RORA: variants seen among roughly 807,000 people sequenced by gnomAD.
RORA encodes the protein RAR related orphan receptor A, also known as nuclear receptor ROR-alpha.
In RORA, 7 loss-of-function variants were observed where a neutral mutation model predicts 69.5. That is an observed-to-expected ratio of 0.10 (90% CI 0.06 to 0.19). RORA has a LOEUF of 0.19. Among genes scored for constraint, RORA ranks in the 10% least tolerant of loss-of-function variants. RORA has a pLI of 1.00. For synonymous variants in RORA, 261 were observed against 240.8 expected (o/e 1.08, Z -0.78); for missense variants, 457 against 663.0 (o/e 0.69, Z 3.41).
At chr15:61,062,798 G>A (rs965675733) in intron 1 of RORA, among the ~76,000 whole-genome samples, 10 of 152,122 alleles carry the variant, frequency 6.6e-5, no homozygotes. Context: ...CTCCATCCCC[G>A]AGTGAGGGTA....
At chr15:60,895,289 A>G (rs1891200786) in intron 1 of RORA, among the ~76,000 whole-genome samples, 1 of 152,214 alleles carries the variant, frequency 6.6e-6, no homozygotes, top group Non-Finnish European at 1.5e-5. Context: ...TTCACTTGCT[A>G]TTTTGGAACA....
chr15:60,578,920 T>G (rs1037974231), intron 2 of RORA, among the ~76,000 whole-genome samples: 7 of 151,944 alleles, frequency 4.6e-5, no homozygotes, highest in Non-Finnish European at 8.8e-5. Flanking sequence ...CCCGCCACCA[T>G]GCCCAGCTAA....
chr15:60,636,603 T>A (rs1480560540), intron 2 of RORA, among the ~76,000 whole-genome samples: 1 of 152,216 alleles, frequency 6.6e-6, no homozygotes, highest in Non-Finnish European at 1.5e-5. Context: ...CATTGGCTCT[T>A]TTTTGTTTTT....
At chr15:60,591,295 G>GGCGGCGGGCGGCGGGCGGCGT (rs1169079768) in intron 2 of RORA, among the ~76,000 whole-genome samples, 2 of 150,790 alleles carry the variant, frequency 1.3e-5, no homozygotes, top group African/African-American at 2.5e-5. Flanking sequence ...CGCACAAGCG[G>GGCGGCGGGCGGCGGGCGGCGT]GCGGCGGGCG....
At chr15:61,054,119 T>G (rs114648689) in intron 1 of RORA, among the ~76,000 whole-genome samples, 269 of 151,954 alleles carry the variant, frequency 1.8e-3, no homozygotes, top group African/African-American at 6.2e-3. Context: ...GGATTGAGCA[T>G]GAAGGAAAAT....
At chr15:60,716,718 A>C (rs2071223716) in intron 1 of RORA, among the ~76,000 whole-genome samples, 1 of 151,892 alleles carries the variant, frequency 6.6e-6, no homozygotes, top group Non-Finnish European at 1.5e-5. Context: ...CCCTCCTCAG[A>C]GAGAGTCCCA....
intron 1 of RORA, among the ~76,000 whole-genome samples, chr15:60,797,531 G>A (rs943219575): frequency 6.6e-6 from 1 of 152,152 alleles, no homozygotes; most frequent in Non-Finnish European, 1.5e-5. Context: ...CACATTCTTT[G>A]GGTACCATGA....
rs1197503806 is a variant in RORA at position 61,226,314 on chromosome 15, G to C, written c.166+2739C>G. On this transcript the variant is annotated intron_variant, in intron 1 of 10. Coordinates refer to ENST00000335670, the MANE Select transcript of RORA (RefSeq NM_134261.3). The surrounding 1 kb of genome is among the most constrained non-coding windows in gnomAD (Gnocchi z 4.2). The stretch of plus-strand genomic sequence containing the variant: ...CTCCACCCTCCTGGAGGTTGAAAAT[G>C]CTAATCATAAGGTGATGATGTTTGC... 6.6e-6 allele frequency among the ~76,000 whole-genome samples: 1 copy of C among 152,186 alleles called. No homozygotes were observed.
In RORA at chr15:61,147,742, G is replaced by T. The variant is rs930173892; in HGVS notation, c.166+81311C>A. Reference sequence around the variant, plus strand: ...CTTCAGTCCTAAAAGAAAGGTTGATGGTCAGTAGGCACGTGCGCACACGCG... The same window carrying T: ...CTTCAGTCCTAAAAGAAAGGTTGATTGTCAGTAGGCACGTGCGCACACGCG... On this transcript the variant is annotated intron_variant, in intron 1 of 10. Coordinates refer to ENST00000335670, the MANE Select transcript of RORA (RefSeq NM_134261.3). This position sits in a 1 kb window ranked among gnomAD's most constrained non-coding sequence, Gnocchi z 4.1. 6.4e-5 allele frequency among the ~76,000 whole-genome samples: 9 copies of T among 141,298 alleles called. No individual in the cohort carries two copies. The highest frequency in any genetic ancestry group is 4.2e-4 in the Admixed American group (6 of 14,280). 92.7% of individuals were successfully genotyped at this position (141,298 alleles called of 152,430 possible). A position where few individuals can be genotyped will look rare whatever the true frequency, so the allele number is the denominator to read the frequency against.
At chr15:61,018,321 A>C (rs1037662855) in intron 1 of RORA, among the ~76,000 whole-genome samples, 2 of 152,138 alleles carry the variant, frequency 1.3e-5, no homozygotes, top group African/African-American at 4.8e-5. Flanking sequence ...TGGACAGCTC[A>C]GTGGCTTCTT....
intron 2 of RORA, among the ~76,000 whole-genome samples, chr15:60,653,154 AC>A (rs1331777086): frequency 3.3e-5 from 5 of 152,142 alleles, no homozygotes; most frequent in African/African-American, 1.2e-4. Flanking sequence ...AGGGGGAATG[AC>A]CTATGAGCCT....
intron 1 of RORA, among the ~76,000 whole-genome samples, chr15:60,946,277 C>T (rs987566928): frequency 6.6e-5 from 10 of 152,190 alleles, no homozygotes; most frequent in Non-Finnish European, 7.3e-5. Flanking sequence ...TCCCCACGGT[C>T]TCCCTCTCCC....
At chr15:60,966,208 T>G (rs937995057) in intron 1 of RORA, among the ~76,000 whole-genome samples, 1 of 152,226 alleles carries the variant, frequency 6.6e-6, no homozygotes, top group Non-Finnish European at 1.5e-5. Flanking sequence ...CCTGCTGGAT[T>G]AGCACCTACC....
chr15:60,761,290 A>G (rs763048056), intron 1 of RORA, among the ~76,000 whole-genome samples: 3 of 152,140 alleles, frequency 2.0e-5, no homozygotes, highest in Non-Finnish European at 4.4e-5. Flanking sequence ...TCACAGATGT[A>G]TTATCAATTT....
chr15:60,516,220 TATTTATATATATATTTATATA>T (rs2065944325), intron 3 of RORA, among the ~76,000 whole-genome samples: 1 of 12,674 alleles, frequency 7.9e-5, no homozygotes, highest in African/African-American at 2.6e-4. Flanking sequence ...TATATATATA[TATTTATATATATATTTATATA>T]TATATATTTA....
intron 2 of RORA, among the ~76,000 whole-genome samples, chr15:60,541,150 A>G (rs1447555526): frequency 6.6e-6 from 1 of 152,186 alleles, no homozygotes; most frequent in Non-Finnish European, 1.5e-5. Context: ...TTTTCATATT[A>G]ACCACTTTAA....
chr15:61,149,767 T>C (rs2079382159), intron 1 of RORA, among the ~76,000 whole-genome samples: 1 of 152,204 alleles, frequency 6.6e-6, no homozygotes, highest in African/African-American at 2.4e-5. Flanking sequence ...AGGAGAAAAC[T>C]TCAGGGCAGC....
At chr15:60,874,443 G>A (rs754017202) in intron 1 of RORA, among the ~76,000 whole-genome samples, 1 of 152,142 alleles carries the variant, frequency 6.6e-6, no homozygotes, top group Non-Finnish European at 1.5e-5. Flanking sequence ...CATCAGCAGA[G>A]TAAATACTTT....
At chr15:60,517,533 A>G (rs1468482415) in intron 3 of RORA, among the ~76,000 whole-genome samples, 1 of 150,864 alleles carries the variant, frequency 6.6e-6, no homozygotes, top group Non-Finnish European at 1.5e-5. Context: ...AGAAGAAGTA[A>G]GGCTTTCTTT....
Sources: gnomAD v4.1 joint callset for allele counts (sites outside exome capture counted in the v4.1 genomes callset) on GRCh38, gnomAD v4.1.1 for gene constraint, Gnocchi (gnomAD v3.1) non-coding constraint, MANE v1.5 for transcripts, NCBI Gene and HGNC (gene_info 2026-07-23, HGNC 2026-07-21) for gene names.